Variants in PTH2R observed in about 807,000 individuals in gnomAD.
PTH2R encodes PTH2 receptor.
PTH2R carries 59 observed loss-of-function variants against 60.3 expected under a neutral mutation model. The ratio of observed to expected loss-of-function variants is 0.98; its 90% CI spans 0.79 to 1.22. The LOEUF (loss-of-function observed/expected upper bound fraction) is 1.22, where lower values mean the gene tolerates loss of function less well. Ranked by LOEUF, PTH2R falls within the 50% of genes most tolerant of loss-of-function variation. The probability of loss-of-function intolerance (pLI) is 0.00; values close to 1 mark genes in which losing one functional copy is unlikely to be tolerated. For missense variants in PTH2R, 749 were observed against 682.6 expected (o/e 1.10, Z -1.08); for synonymous variants, 256 against 243.8 (o/e 1.05, Z -0.47).
At chr2:208,374,032 A>G (rs1476598117) in intron 1 of PTH2R, among the ~76,000 whole-genome samples, 2 of 151,902 alleles carry the variant, frequency 1.3e-5, no homozygotes, top group Non-Finnish European at 2.9e-5. Flanking sequence ...ATAAGTGACT[A>G]TACTGCATAT....
intron 2 of PTH2R, among the ~76,000 whole-genome samples, chr2:208,434,735 T>A (rs1224369030): frequency 6.6e-6 from 1 of 152,044 alleles, no homozygotes; most frequent in African/African-American, 2.4e-5. Context: ...TATAAAGACA[T>A]GTGGCTTGTT....
intron 1 of PTH2R, among the ~76,000 whole-genome samples, chr2:208,366,012 G>T (rs67660353): frequency 3.3e-5 from 3 of 91,818 alleles, no homozygotes; most frequent in Non-Finnish European, 6.0e-5. Flanking sequence ...GACAAGGTAG[G>T]TCTTGCTATG....
chr2:208,470,646 C>A (rs549407415), intron 9 of PTH2R, among the ~76,000 whole-genome samples: 1 of 151,384 alleles, frequency 6.6e-6, no homozygotes, highest in Admixed American at 6.5e-5. Context: ...TCCATTAAAC[C>A]TTTTTTTTCT....
At chr2:208,425,093 T>A (rs1701831212) in intron 1 of PTH2R, among the ~76,000 whole-genome samples, 1 of 152,102 alleles carries the variant, frequency 6.6e-6, no homozygotes, top group South Asian at 2.1e-4. Flanking sequence ...AATGGGTTCA[T>A]GAAGCTGCAA....
At chr2:208,360,781 A>T (rs1700456468) in intron 1 of PTH2R, 1 of 154,106 alleles carries the variant, frequency 6.5e-6, no homozygotes, top group South Asian at 1.9e-4. Context: ...GCACCCGCTG[A>T]CTGAGAAGCC....
At chr2:208,367,976 A>C (rs529947554) in intron 1 of PTH2R, among the ~76,000 whole-genome samples, 1 of 151,876 alleles carries the variant, frequency 6.6e-6, no homozygotes, top group East Asian at 2.0e-4. Context: ...GGTACTCAAA[A>C]ACTCGTCCCA....
chr2:208,458,326 A>G lies in PTH2R; in HGVS notation c.915-1569A>G, dbSNP rs114159358. ...TTAGGGTGGAAGGGAAGCACCAAAT[A>G]TAAAAAATAGGCAAATTATATAATT... On this transcript the variant is annotated intron_variant, in intron 8 of 12. Transcript: ENST00000272847. 7.5e-3 allele frequency among the ~76,000 whole-genome samples: 1,135 copies of G among 152,324 alleles called. 18 individuals carry two copies. The highest frequency in any genetic ancestry group is 0.025 in the African/African-American group (1,030 of 41,566).
intron 2 of PTH2R, among the ~76,000 whole-genome samples, chr2:208,434,536 T>G (rs1038252915): frequency 1.3e-5 from 2 of 152,166 alleles, no homozygotes; most frequent in Admixed American, 6.5e-5. Context: ...AAAATTTCCA[T>G]AGCAGTTTTA....
chr2:208,421,668 T>G (rs1701759437), intron 1 of PTH2R, among the ~76,000 whole-genome samples: 1 of 152,206 alleles, frequency 6.6e-6, no homozygotes, highest in African/African-American at 2.4e-5. Flanking sequence ...AAGCTTCAGC[T>G]ACTCTCAAGG....
At chr2:208,378,639 C>T (rs145672882) in intron 1 of PTH2R, among the ~76,000 whole-genome samples, 1 of 152,134 alleles carries the variant, frequency 6.6e-6, no homozygotes, top group Admixed American at 6.5e-5. Flanking sequence ...GAGGACACAG[C>T]GAGAAGACAG....
intron 10 of PTH2R, among the ~76,000 whole-genome samples, chr2:208,485,360 C>T (rs1331717229): frequency 6.6e-6 from 1 of 152,114 alleles, no homozygotes; most frequent in Non-Finnish European, 1.5e-5. Context: ...TCCAGCAAAC[C>T]AGAAGACTGC....
intron 7 of PTH2R, among the ~76,000 whole-genome samples, chr2:208,447,102 T>C (rs1410633554): frequency 1.3e-5 from 2 of 152,122 alleles, no homozygotes; most frequent in African/African-American, 2.4e-5. Context: ...ATATTGATTG[T>C]GATGATCCTT....
rs547519127 is a variant in PTH2R, at chr2:208,396,618, G to A, written c.-258-31583G>A. 3.3e-5 allele frequency among the ~76,000 whole-genome samples: 5 copies of A among 152,224 alleles called. No individual in the cohort carries two copies. The East Asian group carries it at 7.7e-4, about 24-fold the overall frequency. On this transcript the variant is annotated intron_variant, in intron 1 of 12. Coordinates refer to the PTH2R transcript ENST00000617735. ...AAACCACAATGAGATACCATCTCAT[G>A]CCAGTTAGAATGGCGATCATTAAAA... is the stretch of plus-strand genomic sequence containing the variant.
intron 1 of PTH2R, among the ~76,000 whole-genome samples, chr2:208,363,537 TG>T (rs1700521795): frequency 6.6e-6 from 1 of 152,234 alleles, no homozygotes; most frequent in Non-Finnish European, 1.5e-5. Context: ...TATCCAGTAA[TG>T]GGGTTGCTAG....
At position 208,493,382 on chromosome 2, in the gene PTH2R, C is replaced by G. The variant is rs767969755; in HGVS notation, c.1376C>G (p.Thr459Ser). The G allele has an allele frequency of 6.2e-7, 1 of 1,609,680 alleles. No homozygotes were observed. Among genetic ancestry groups the G allele is most frequent in the Non-Finnish European group, 8.5e-7 (1 of 1,177,104 alleles). The change falls in exon 13 of 13, where the codon ACC becomes AGC. Residue 459 changes from threonine to serine, a missense_variant. Transcript: ENST00000272847. Reference protein sequence around the residue: ...GSVLTTVTHSTSSQSQVAAST... With the variant: ...GSVLTTVTHSSSSQSQVAAST... ...GTGCTCACCACCGTGACGCACAGCA[C>G]CAGCAGCCAGTCACAGGTGGCGGCC...
intron 4 of PTH2R, among the ~76,000 whole-genome samples, chr2:208,441,854 G>A (rs74838456): frequency 0.041 from 6,316 of 152,228 alleles, 406 homozygotes; most frequent in African/African-American, 0.14. Flanking sequence ...TACATAAGAT[G>A]TAAGCTTTGG....
chr2:208,470,191 G>C (rs777810636), intron 9 of PTH2R, among the ~76,000 whole-genome samples: 20 of 152,290 alleles, frequency 1.3e-4, no homozygotes, highest in Non-Finnish European at 2.8e-4. Flanking sequence ...AGAAACCTGA[G>C]ATCTTGAATT....
rs140556434 is a variant in PTH2R at position 208,478,885 on chromosome 2, G to T, written c.982-2185G>T. Among the ~76,000 whole-genome samples the T allele has an allele frequency of 3.8e-3, 580 of 152,258 alleles. 5 individuals are homozygous for T. Among genetic ancestry groups the T allele is most frequent in the Non-Finnish European group, 5.0e-3 (343 of 68,030 alleles). ...ATCTGTGAAATGGGGACAAGAAAAT[G>T]CCTGTCTCATAGAGCTGCTGTGAGA... is the stretch of plus-strand genomic sequence containing the variant. On this transcript the variant is annotated intron_variant, in intron 9 of 12. Transcript: ENST00000272847.
intron 1 of PTH2R, among the ~76,000 whole-genome samples, chr2:208,376,124 C>G (rs376151763): frequency 3.3e-5 from 5 of 152,124 alleles, no homozygotes; most frequent in African/African-American, 1.2e-4. Context: ...CACAGTGTAA[C>G]AGCATGCCAG....
Sources: allele counts gnomAD v4.1 joint callset (sites outside exome capture counted in the v4.1 genomes callset), GRCh38; gene constraint gnomAD v4.1.1; transcripts MANE v1.5; gene names NCBI Gene and HGNC (gene_info 2026-07-23, HGNC 2026-07-21).